The following ERBB4 variants were observed in gnomAD, a reference collection of about 807,000 sequenced individuals.
ERBB4 encodes erb-b2 receptor tyrosine kinase 4.
In ERBB4, 42 loss-of-function variants were observed where a neutral mutation model predicts 158.0. That is an observed-to-expected ratio of 0.27 (90% CI 0.21 to 0.34). The LOEUF is 0.34. Among genes scored for constraint, ERBB4 ranks in the 10% least tolerant of loss-of-function variants. The pLI is 1.00. For missense variants in ERBB4, 1,333 were observed against 1,624.1 expected, an observed-to-expected ratio of 0.82 and a Z score of 3.08; for synonymous variants, 583 against 558.7, an observed-to-expected ratio of 1.04 and a Z score of -0.61.
chr2:211,550,994 GCAGTGGTGCAATCACA>G (rs963195541), intron 20 of ERBB4, among the ~76,000 whole-genome samples: 4 of 151,162 alleles, frequency 2.6e-5, no homozygotes, highest in African/African-American at 9.7e-5. Context: ...AGGCTGGAGT[GCAGTGGTGCAATCACA>G]CAGCTCACTG....
At chr2:211,710,365 T>C (rs2073649485) in intron 9 of ERBB4, among the ~76,000 whole-genome samples, 1 of 152,168 alleles carries the variant, frequency 6.6e-6, no homozygotes, top group Non-Finnish European at 1.5e-5. Context: ...TACATTCATG[T>C]GGTATTTGGT....
intron 17 of ERBB4, among the ~76,000 whole-genome samples, chr2:211,627,652 G>A (rs1465669013): frequency 1.3e-5 from 2 of 152,190 alleles, no homozygotes; most frequent in Non-Finnish European, 2.9e-5. Flanking sequence ...GTTCAAAGGA[G>A]AAGTGAAATT....
chr2:211,620,031 TAG>T (rs2069538657), intron 18 of ERBB4, among the ~76,000 whole-genome samples: 1 of 152,124 alleles, frequency 6.6e-6, no homozygotes, highest in Admixed American at 6.6e-5. Context: ...ATAAAGTTGG[TAG>T]AGTTTGAGTG....
At chr2:212,150,080 C>T (rs1406676582) in intron 1 of ERBB4, among the ~76,000 whole-genome samples, 4 of 152,114 alleles carry the variant, frequency 2.6e-5, no homozygotes, top group African/African-American at 9.7e-5. Context: ...GTATTCATTT[C>T]CTAAGGTTAT....
intron 3 of ERBB4, among the ~76,000 whole-genome samples, chr2:211,876,174 A>G (rs757795687): frequency 6.6e-6 from 1 of 152,204 alleles, no homozygotes; most frequent in Non-Finnish European, 1.5e-5. Flanking sequence ...TAGTCAAAAA[A>G]TTAATAGCAT....
intron 1 of ERBB4, among the ~76,000 whole-genome samples, chr2:212,362,925 T>G (rs957714760): frequency 2.6e-5 from 4 of 151,366 alleles, no homozygotes; most frequent in Non-Finnish European, 4.4e-5. Flanking sequence ...TTTTTAAAAT[T>G]TGTGCCATGA....
intron 1 of ERBB4, among the ~76,000 whole-genome samples, chr2:212,292,524 C>T (rs1018282002): frequency 1.3e-5 from 2 of 151,816 alleles, no homozygotes; most frequent in Non-Finnish European, 2.9e-5. Context: ...ATCAAGGATG[C>T]CTTAATATCT....
intron 2 of ERBB4, among the ~76,000 whole-genome samples, chr2:212,096,788 A>C (rs1287807542): frequency 6.6e-6 from 1 of 152,172 alleles, no homozygotes; most frequent in East Asian, 1.9e-4. Flanking sequence ...GAAGAAGCCT[A>C]GGTAAATTGG....
intron 3 of ERBB4, among the ~76,000 whole-genome samples, chr2:211,807,157 A>G (rs1344228957): frequency 6.6e-6 from 1 of 151,804 alleles, no homozygotes; most frequent in Admixed American, 6.6e-5. Flanking sequence ...TTTTTTTTTA[A>G]TTATACTTTA....
intron 1 of ERBB4, among the ~76,000 whole-genome samples, chr2:212,143,997 C>T (rs7608211): frequency 0.087 from 12,934 of 149,294 alleles, 1,136 homozygotes; most frequent in African/African-American, 0.23. Flanking sequence ...CCGGCCTGGG[C>T]GACAGAGTGA....
At chr2:211,988,158 C>T (rs1330416860) in intron 2 of ERBB4, among the ~76,000 whole-genome samples, 2 of 152,086 alleles carry the variant, frequency 1.3e-5, no homozygotes, top group Non-Finnish European at 2.9e-5. Flanking sequence ...AATGTTTATA[C>T]TATTAATTAA....
intron 1 of ERBB4, among the ~76,000 whole-genome samples, chr2:212,529,137 G>C (rs766087229): frequency 2.0e-5 from 3 of 152,050 alleles, no homozygotes; most frequent in African/African-American, 7.2e-5. Flanking sequence ...CTGGCATCTT[G>C]AGCTTCTTAT....
intron 4 of ERBB4, among the ~76,000 whole-genome samples, chr2:211,751,367 C>A (rs936183399): frequency 6.6e-6 from 1 of 152,064 alleles, no homozygotes; most frequent in African/African-American, 2.4e-5. Flanking sequence ...CAGAGAAATT[C>A]CCATCGGGAC....
chr2:211,457,611 A>G (rs2064415140), intron 20 of ERBB4, among the ~76,000 whole-genome samples: 3 of 152,150 alleles, frequency 2.0e-5, no homozygotes, highest in Admixed American at 2.0e-4. Context: ...CTGCACTTGA[A>G]TTTTGCACAG....
intron 1 of ERBB4, among the ~76,000 whole-genome samples, chr2:212,510,403 A>G (rs988790786): frequency 6.6e-6 from 1 of 151,826 alleles, no homozygotes; most frequent in African/African-American, 2.4e-5. Context: ...AGGTAGGTAA[A>G]GCATTTTAAA....
In ERBB4 at chr2:212,297,926, T is replaced by C. The variant is rs184350430; in HGVS notation, c.83-173023A>G. Among the ~76,000 whole-genome samples, 1,041 of 151,758 alleles carry C rather than the reference T, an allele frequency of 6.9e-3. 8 individuals are homozygous for C. Among genetic ancestry groups the C allele is most frequent in the Middle Eastern group, 0.016 (4 of 244 alleles). On this transcript the variant is annotated intron_variant, in intron 1 of 27. Coordinates refer to ENST00000342788, the MANE Select transcript of ERBB4 (RefSeq NM_005235.3). The stretch of plus-strand genomic sequence containing the variant: ...AAAATATTTGAATTTTGAAATAAAG[T>C]AAGTTCAATATAGTCATAAAAATAA...
chr2:211,615,441 A>G (rs1485410323), intron 19 of ERBB4, among the ~76,000 whole-genome samples: 3 of 151,994 alleles, frequency 2.0e-5, no homozygotes, highest in African/African-American at 4.8e-5. Context: ...ATTCTTATGA[A>G]GGTGCGCCTT....
intron 1 of ERBB4, among the ~76,000 whole-genome samples, chr2:212,381,081 T>C (rs894358971): frequency 6.6e-6 from 1 of 151,362 alleles, no homozygotes; most frequent in Non-Finnish European, 1.5e-5. Context: ...TCTTCCCACA[T>C]CACACAAAAG....
intron 2 of ERBB4, among the ~76,000 whole-genome samples, chr2:211,975,170 T>C (rs1461504444): frequency 1.3e-5 from 2 of 152,126 alleles, no homozygotes; most frequent in African/African-American, 4.8e-5. Context: ...TTTGTAGATA[T>C]GAGCTTTTGC....
Sources: allele counts gnomAD v4.1 joint callset (sites outside exome capture counted in the v4.1 genomes callset), GRCh38; gene constraint gnomAD v4.1.1; transcripts MANE v1.5; gene names NCBI Gene and HGNC (gene_info 2026-07-23, HGNC 2026-07-21).